Variants in DLGAP2 observed in about 807,000 individuals in gnomAD.
DLGAP2 encodes DLG associated protein 2, also known as disks large-associated protein 2.
In DLGAP2, 26 loss-of-function variants were observed where a neutral mutation model predicts 100.3. That is an observed-to-expected ratio of 0.26 (90% confidence interval 0.19 to 0.36). DLGAP2 has a LOEUF of 0.36. DLGAP2 is among the 10% of genes least tolerant of loss of function. The pLI, the probability that DLGAP2 is intolerant of heterozygous loss-of-function variation, is 1.00. For synonymous variants in DLGAP2, 886 were observed against 630.1 expected (o/e 1.41, Z -6.08); for missense variants, 1,858 against 1,453.2 (o/e 1.28, Z -4.53).
At chr8:1,453,510 A>G (rs1798220132) in intron 3 of DLGAP2, among the ~76,000 whole-genome samples, 1 of 152,080 alleles carries the variant, frequency 6.6e-6, no homozygotes, top group South Asian at 2.1e-4. Flanking sequence ...GAAAATCATT[A>G]TGTATTCTGA....
intron 2 of DLGAP2, among the ~76,000 whole-genome samples, chr8:1,013,001 C>A (rs1048423950): frequency 6.6e-6 from 1 of 152,304 alleles, no homozygotes; most frequent in East Asian, 1.9e-4. Context: ...GAAGTTGAGA[C>A]TGTGGACTAG....
In DLGAP2 at chr8:1,705,324, C is replaced by G. The variant is rs1190935087; in HGVS notation, c.*3918C>G. On this transcript the variant is annotated 3_prime_UTR_variant, in exon 15 of 15. Coordinates refer to ENST00000637795, the MANE Select transcript of DLGAP2 (RefSeq NM_001346810.2). ...CTCCTGGGAGATGCAGCTTTTGTTT[C>G]CGCTGCGTTTCATCAGTCAGCCTTG... is the stretch of plus-strand genomic sequence containing the variant. 1 of 152,230 alleles carries G rather than the reference C, an allele frequency of 6.6e-6. No individual in the cohort carries two copies. The highest frequency in any genetic ancestry group is 1.5e-5 in the Non-Finnish European group (1 of 68,054). The allele number at this position is 152,230 out of a possible 1,614,324, so 9.4% of individuals were successfully genotyped here.
At chr8:1,558,072 G>A (rs1409939882) in intron 5 of DLGAP2, among the ~76,000 whole-genome samples, 1 of 152,224 alleles carries the variant, frequency 6.6e-6, no homozygotes, top group African/African-American at 2.4e-5. Flanking sequence ...GCAGGTTGGA[G>A]CAGGCACCTT....
rs183970539 is a variant in DLGAP2, at chr8:888,404, C to T, written c.19-19508C>T. On this transcript the variant is annotated intron_variant, in intron 1 of 14. Transcript: ENST00000637795. ...CTGTCAATTTGTCCACCTGATCCTC[C>T]ATCCAGTTCTGCACGCTGACTTGTG... Among the ~76,000 whole-genome samples the T allele has an allele frequency of 3.3e-5, 5 of 152,284 alleles. No homozygotes were observed. The East Asian group carries it at 9.7e-4, about 29-fold the overall frequency.
intron 3 of DLGAP2, among the ~76,000 whole-genome samples, chr8:1,372,018 T>G (rs1802249637): frequency 6.6e-6 from 1 of 152,216 alleles, no homozygotes; most frequent in Admixed American, 6.5e-5. Context: ...AACTTAGTGG[T>G]GCAGCCTGCT....
At chr8:1,697,716 C>G (rs907406916) in intron 14 of DLGAP2, among the ~76,000 whole-genome samples, 5 of 152,214 alleles carry the variant, frequency 3.3e-5, no homozygotes, top group Admixed American at 6.5e-5. Flanking sequence ...TGGTTATGGA[C>G]TATCTCCTAT....
intron 3 of DLGAP2, among the ~76,000 whole-genome samples, chr8:1,407,880 T>C (rs1796614522): frequency 6.6e-6 from 1 of 151,864 alleles, no homozygotes; most frequent in Non-Finnish European, 1.5e-5. Context: ...CACCACCTCC[T>C]TGTCCTCTGG....
At chr8:1,038,839 G>T (rs1802209817) in intron 2 of DLGAP2, among the ~76,000 whole-genome samples, 1 of 152,158 alleles carries the variant, frequency 6.6e-6, no homozygotes, top group African/African-American at 2.4e-5. Context: ...TTTTCAGTCG[G>T]AAAATCAAGT....
intron 2 of DLGAP2, among the ~76,000 whole-genome samples, chr8:1,138,912 T>C (rs929934462): frequency 2.0e-5 from 3 of 152,156 alleles, no homozygotes; most frequent in Non-Finnish European, 4.4e-5. Context: ...ACTCCTCCTG[T>C]TTATTTACTT....
chr8:1,453,888 G>T (rs144462944), intron 3 of DLGAP2, among the ~76,000 whole-genome samples: 1 of 152,210 alleles, frequency 6.6e-6, no homozygotes, highest in East Asian at 1.9e-4. Flanking sequence ...ATATTCAGAT[G>T]CTCTGAGATA....
intron 1 of DLGAP2, among the ~76,000 whole-genome samples, chr8:774,134 C>T (rs1412002731): frequency 1.3e-5 from 2 of 152,186 alleles, no homozygotes; most frequent in Non-Finnish European, 2.9e-5. Context: ...TTTTTGGCTG[C>T]ATAAATGTCT....
At chr8:1,477,059 C>CACCACAGACACAATTAATCACGTCACT (rs1563172067) in intron 3 of DLGAP2, among the ~76,000 whole-genome samples, 3 of 152,154 alleles carry the variant, frequency 2.0e-5, no homozygotes, top group Admixed American at 2.0e-4. Context: ...GCAAAGCCTC[C>CACCACAGACACAATTAATCACGTCACT]ACCGCAGACA....
At chr8:1,167,770 C>T (rs1797047864) in intron 2 of DLGAP2, among the ~76,000 whole-genome samples, 1 of 151,832 alleles carries the variant, frequency 6.6e-6, no homozygotes, top group Non-Finnish European at 1.5e-5. Flanking sequence ...TGAACGTCTA[C>T]AGTGTCTGAC....
intron 4 of DLGAP2, among the ~76,000 whole-genome samples, chr8:1,529,008 T>G (rs1281891315): frequency 1.3e-5 from 2 of 152,222 alleles, no homozygotes; most frequent in Non-Finnish European, 2.9e-5. Flanking sequence ...GTTTATAAAA[T>G]TATAGTGGCT....
chr8:875,350 T>C (rs188830512), intron 1 of DLGAP2, among the ~76,000 whole-genome samples: 166 of 152,354 alleles, frequency 1.1e-3, no homozygotes, highest in African/African-American at 3.7e-3. Flanking sequence ...TCATCTTGAA[T>C]TGTGGTTCCC....
At chr8:1,631,882 C>G (rs1300182484) in intron 7 of DLGAP2, among the ~76,000 whole-genome samples, 1 of 152,214 alleles carries the variant, frequency 6.6e-6, no homozygotes, top group East Asian at 1.9e-4. Flanking sequence ...GAGGGAGAAC[C>G]TGATTCTTTG....
At chr8:1,597,130 C>G (rs561706563) in intron 6 of DLGAP2, among the ~76,000 whole-genome samples, 38 of 152,186 alleles carry the variant, frequency 2.5e-4, no homozygotes, top group African/African-American at 8.4e-4. Flanking sequence ...GAATCCTTTC[C>G]CCATTGTTTG....
chr8:1,335,356 T>C (rs10503164), intron 3 of DLGAP2, among the ~76,000 whole-genome samples: 61,956 of 152,060 alleles, frequency 0.41, 14,679 homozygotes, highest in African/African-American at 0.66. Flanking sequence ...GAGTTTGGCA[T>C]TACATTTTCA....
chr8:920,508 C>A (rs1005605007), intron 2 of DLGAP2, among the ~76,000 whole-genome samples: 1 of 152,226 alleles, frequency 6.6e-6, no homozygotes, highest in African/African-American at 2.4e-5. Flanking sequence ...GTAATCCCAG[C>A]ACTTTGGCAG....
Sources: allele counts gnomAD v4.1 joint callset (sites outside exome capture counted in the v4.1 genomes callset), GRCh38; gene constraint gnomAD v4.1.1; transcripts MANE v1.5; gene names NCBI Gene and HGNC (gene_info 2026-07-23, HGNC 2026-07-21).